The following ELMOD2 variants were observed in gnomAD, a reference collection of about 807,000 sequenced individuals.
ELMOD2 encodes the protein ELMO domain containing 2.
In ELMOD2, 28 loss-of-function variants were observed where a neutral mutation model predicts 41.0. That is an observed-to-expected ratio of 0.68 (90% confidence interval 0.51 to 0.94). The LOEUF is 0.94. Among genes scored for constraint, ELMOD2 ranks in the 40% least tolerant of loss-of-function variants. The probability of loss-of-function intolerance (pLI) is 0.00; values close to 1 mark genes in which losing one functional copy is unlikely to be tolerated. For missense variants in ELMOD2, 333 were observed against 343.1 expected (o/e 0.97, Z 0.23); for synonymous variants, 106 against 107.2 (o/e 0.99, Z 0.07).
At chr4:140,549,872 G>A (rs1418619266) in intron 8 of ELMOD2, among the ~76,000 whole-genome samples, 1 of 151,698 alleles carries the variant, frequency 6.6e-6, no homozygotes. Context: ...TTGTTGCAGA[G>A]ATGGGGTTTC....
At chr4:140,544,880 G>A (rs1207559234) in intron 8 of ELMOD2, among the ~76,000 whole-genome samples, 1 of 152,086 alleles carries the variant, frequency 6.6e-6, no homozygotes, top group Non-Finnish European at 1.5e-5. Flanking sequence ...TGTGTTAGAT[G>A]TTGTTCTAGG....
intron 6 of ELMOD2, among the ~76,000 whole-genome samples, chr4:140,541,768 T>G (rs1735112692): frequency 6.6e-6 from 1 of 152,046 alleles, no homozygotes; most frequent in Non-Finnish European, 1.5e-5. Context: ...GTGTAATGGG[T>G]TGAAAATTAG....
Position 140,550,213 on chromosome 4 carries a change from T to G in ELMOD2, c.737-17T>G, listed in dbSNP as rs774370933. On this transcript the variant is annotated splice_polypyrimidine_tract_variant and intron_variant, in intron 8 of 8. Transcript: ENST00000323570. ...TCAACATTGAGGATTAAATGTTTTG[T>G]TTTTCTTTAACTGCAGGTTATCTTG... is the stretch of plus-strand genomic sequence containing the variant. 6.3e-7 allele frequency: 1 copy of G among 1,599,230 alleles called. No homozygotes were observed. Among genetic ancestry groups the G allele is most frequent in the Non-Finnish European group, 8.5e-7 (1 of 1,170,754 alleles).
Position 140,553,273 on chromosome 4 carries a change from G to A in ELMOD2, c.*2898G>A, listed in dbSNP as rs927629125. On this transcript the variant is annotated 3_prime_UTR_variant, in exon 9 of 9. Transcript: ENST00000323570. Reference sequence around the variant, plus strand: ...CATGATCATGGCACAGAAGATAGGAGGTTTGACTTGGTGGGCCATAATGTT... The same window carrying A: ...CATGATCATGGCACAGAAGATAGGAAGTTTGACTTGGTGGGCCATAATGTT... 7.2e-5 allele frequency: 11 copies of A among 152,106 alleles called. No homozygotes were observed. Among genetic ancestry groups the A allele is most frequent in the African/African-American group, 2.7e-4 (11 of 41,434 alleles). 9.4% of individuals were successfully genotyped at this position (152,106 alleles called of 1,614,324 possible).
intron 2 of ELMOD2, chr4:140,526,590 A>T (rs1375879120): frequency 3.3e-5 from 5 of 152,152 alleles, no homozygotes; most frequent in Admixed American, 3.3e-4. Context: ...AAGAGAGTGG[A>T]GTATTGGCAA....
At chr4:140,537,042 A>G (rs747952327) in intron 4 of ELMOD2, among the ~76,000 whole-genome samples, 4 of 152,200 alleles carry the variant, frequency 2.6e-5, no homozygotes, top group Non-Finnish European at 5.9e-5. Context: ...AGTTTTATTT[A>G]GAGCTGAGAT....
rs778227224 is a variant in ELMOD2 at position 140,525,479 on chromosome 4, G to T, written c.51G>T (p.Trp17Cys). The T allele has an allele frequency of 6.2e-7, 1 of 1,613,430 alleles. No individual in the cohort carries two copies. Among genetic ancestry groups the T allele is most frequent in the South Asian group, 1.1e-5 (1 of 90,942 alleles). Reference sequence around the variant, plus strand: ...TCTATGGGCACTTTTTTCGATTTTGGATGAAATGGCTATTACGACAGATGA... The same window carrying T: ...TCTATGGGCACTTTTTTCGATTTTGTATGAAATGGCTATTACGACAGATGA... ...EFFYGHFFRF[W>C]MKWLLRQMTG... The change falls in exon 2 of 9, where the codon TGG (tryptophan) becomes TGT (cysteine). Residue 17 changes from tryptophan (W) to cysteine (C), a missense_variant. Coordinates refer to ENST00000323570, the MANE Select transcript of ELMOD2 (RefSeq NM_153702.4).
At chr4:140,542,956 G>A (rs949931839) in intron 7 of ELMOD2, among the ~76,000 whole-genome samples, 5 of 151,914 alleles carry the variant, frequency 3.3e-5, no homozygotes, top group South Asian at 4.1e-4. Context: ...TAGGAAAATA[G>A]GAAATAGCTT....
rs1012028099 is a variant in ELMOD2, at chr4:140,552,163, G to T, written c.*1788G>T. ...ATTCTGTTCATCTTTTGATGTTTGT[G>T]TTGAAAATGCTTATCTTTGTGTTTT... is the stretch of plus-strand genomic sequence containing the variant. On this transcript the variant is annotated 3_prime_UTR_variant, in exon 9 of 9. Coordinates refer to ENST00000323570, the MANE Select transcript of ELMOD2 (RefSeq NM_153702.4). 1 of 151,978 alleles carries T rather than the reference G, an allele frequency of 6.6e-6. No individual in the cohort carries two copies. Among genetic ancestry groups the T allele is most frequent in the Non-Finnish European group, 1.5e-5 (1 of 67,906 alleles). 9.4% of individuals were successfully genotyped at this position (151,978 alleles called of 1,614,324 possible). A position where few individuals can be genotyped will look rare whatever the true frequency, so the allele number is the denominator to read the frequency against.
chr4:140,537,112 T>C (rs138347558), intron 4 of ELMOD2, among the ~76,000 whole-genome samples: 1 of 152,310 alleles, frequency 6.6e-6, no homozygotes, highest in East Asian at 1.9e-4. Context: ...ACTGGTGATA[T>C]CTGGCAATAA....
chr4:140,534,886 T>G (rs1271634043), intron 3 of ELMOD2, among the ~76,000 whole-genome samples: 1 of 152,172 alleles, frequency 6.6e-6, no homozygotes, highest in Non-Finnish European at 1.5e-5. Context: ...GACATTGAAC[T>G]GGATTTTTAA....
chr4:140,542,379 A>G (rs750421293), intron 6 of ELMOD2, 195 bp from the exon 7 acceptor site: 2 of 432,946 alleles, frequency 4.6e-6, no homozygotes, highest in Non-Finnish European at 8.2e-6. Context: ...TATATTCTGT[A>G]CTACATAGGC....
intron 8 of ELMOD2, among the ~76,000 whole-genome samples, chr4:140,544,862 A>C (rs886213951): frequency 3.9e-5 from 6 of 151,966 alleles, no homozygotes; most frequent in African/African-American, 9.7e-5. Context: ...AAGTTTATTC[A>C]TTTACTGTGT....
At chr4:140,525,792 C>T (rs1033269705) in intron 2 of ELMOD2, among the ~76,000 whole-genome samples, 1 of 152,040 alleles carries the variant, frequency 6.6e-6, no homozygotes, top group African/African-American at 2.4e-5. Flanking sequence ...TTCTCTGGCT[C>T]CTGAAGTTTA....
Position 140,535,764 on chromosome 4 carries a change from G to A in ELMOD2, c.203G>A (p.Ser68Asn). Residue 68 changes from serine to asparagine, a missense_variant, in exon 4 of 9, where the codon AGT becomes AAT. By Grantham distance (46) the Ser-to-Asn change is conservative. Transcript: ENST00000323570. ...VLQKATHVVQ[S>N]EVDKYVDDIM... ...CAGAAGGCGACACATGTTGTTCAGA[G>A]TGAAGTGGACAAATATGTAGATGAT... The A allele has an allele frequency of 6.2e-7, 1 of 1,611,666 alleles. No individual in the cohort carries two copies. The highest frequency in any genetic ancestry group is 8.5e-7 in the Non-Finnish European group (1 of 1,179,304).
intron 8 of ELMOD2, among the ~76,000 whole-genome samples, chr4:140,548,957 T>C (rs1553962910): frequency 6.6e-6 from 1 of 152,160 alleles, no homozygotes; most frequent in Non-Finnish European, 1.5e-5. Context: ...TTAACATATG[T>C]ATACACCTGT....
At chr4:140,534,005 A>G (rs1234336468) in intron 3 of ELMOD2, among the ~76,000 whole-genome samples, 1 of 152,294 alleles carries the variant, frequency 6.6e-6, no homozygotes, top group South Asian at 2.1e-4. Flanking sequence ...TGATATTATC[A>G]CTTTGGAAGT....
intron 5 of ELMOD2, among the ~76,000 whole-genome samples, chr4:140,539,786 A>T (rs145293273): frequency 2.7e-4 from 41 of 152,240 alleles, no homozygotes; most frequent in Middle Eastern, 3.4e-3. Context: ...ACCTATTTTC[A>T]TTCTGATTAG....
At chr4:140,526,355 A>G (rs1734561496) in intron 2 of ELMOD2, among the ~76,000 whole-genome samples, 1 of 152,182 alleles carries the variant, frequency 6.6e-6, no homozygotes, top group Non-Finnish European at 1.5e-5. Flanking sequence ...TACCTTCTAA[A>G]ATACATCAGT....
Sources: allele counts gnomAD v4.1 joint callset (sites outside exome capture counted in the v4.1 genomes callset), GRCh38; gene constraint gnomAD v4.1.1; transcripts MANE v1.5; gene names NCBI Gene and HGNC (gene_info 2026-07-23, HGNC 2026-07-21).